The following PPP1R12B variants were observed in gnomAD, a reference collection of about 807,000 sequenced individuals.
PPP1R12B encodes myosin phosphatase target subunit 2.
Under a neutral mutation model 126.1 loss-of-function variants are expected in PPP1R12B, and 76 were observed. The ratio of observed to expected loss-of-function variants is 0.60; its 90% confidence interval spans 0.50 to 0.73. The LOEUF is 0.73. Ranked by LOEUF, PPP1R12B falls within the 30% of genes least tolerant of loss-of-function variation. The pLI is 0.00. For synonymous variants in PPP1R12B, 356 were observed against 434.7 expected (o/e 0.82, Z 2.25); for missense variants, 1,052 against 1,205.1 (o/e 0.87, Z 1.88).
At chr1:202,539,666 T>G (rs1444389829) in intron 18 of PPP1R12B, among the ~76,000 whole-genome samples, 6 of 152,164 alleles carry the variant, frequency 3.9e-5, no homozygotes, top group Non-Finnish European at 7.4e-5. Context: ...TCCACAGGAT[T>G]TGTATTTCTT....
intron 1 of PPP1R12B, chr1:202,370,204 C>A: frequency 5.5e-6 from 1 of 183,198 alleles, no homozygotes; most frequent in Non-Finnish European, 1.1e-5. Flanking sequence ...GCCGGACATC[C>A]CACTCTTTCA....
At chr1:202,538,320 A>G (rs1684761525) in intron 18 of PPP1R12B, among the ~76,000 whole-genome samples, 2 of 152,214 alleles carry the variant, frequency 1.3e-5, no homozygotes, top group South Asian at 2.1e-4. Flanking sequence ...GACACACTGT[A>G]TTCTGGTTTA....
chr1:202,551,455 T>C (rs1686312007), intron 18 of PPP1R12B, among the ~76,000 whole-genome samples: 1 of 152,184 alleles, frequency 6.6e-6, no homozygotes, highest in Admixed American at 6.5e-5. Context: ...TGAATGTATG[T>C]AATCACCTAG....
chr1:202,526,868 G>A (rs1683403202), intron 18 of PPP1R12B, among the ~76,000 whole-genome samples: 1 of 152,156 alleles, frequency 6.6e-6, no homozygotes, highest in Non-Finnish European at 1.5e-5. Context: ...TAATTATAAT[G>A]AGAATTACAA....
At chr1:202,439,904 C>A (rs1043084800) in intron 10 of PPP1R12B, 1 of 248,284 alleles carries the variant, frequency 4.0e-6, no homozygotes, top group South Asian at 5.8e-5. Context: ...ACTGTCTAGG[C>A]TCACTTCCTG....
chr1:202,446,236 C>A (rs2362278), intron 12 of PPP1R12B, among the ~76,000 whole-genome samples: 11,661 of 87,968 alleles, frequency 0.13, 1,040 homozygotes, highest in Middle Eastern at 0.2. Context: ...CTCTCTCTCT[C>A]TATATATATA....
At chr1:202,499,414 C>G (rs1679946461) in intron 18 of PPP1R12B, among the ~76,000 whole-genome samples, 1 of 152,090 alleles carries the variant, frequency 6.6e-6, no homozygotes, top group African/African-American at 2.4e-5. Context: ...GCCACCACAC[C>G]CAGCTAATTT....
At chr1:202,400,556 C>T (rs1439196949) in intron 1 of PPP1R12B, among the ~76,000 whole-genome samples, 1 of 152,084 alleles carries the variant, frequency 6.6e-6, no homozygotes, top group African/African-American at 2.4e-5. Context: ...AAAATGCATC[C>T]CAGGCAGAGG....
intron 1 of PPP1R12B, among the ~76,000 whole-genome samples, chr1:202,374,639 C>T (rs561225409): frequency 6.6e-6 from 1 of 151,830 alleles, no homozygotes; most frequent in South Asian, 2.1e-4. Flanking sequence ...GCTGGGGCTA[C>T]AGGTGCATGC....
intron 18 of PPP1R12B, among the ~76,000 whole-genome samples, chr1:202,553,552 C>T (rs1413506093): frequency 6.6e-6 from 1 of 152,128 alleles, no homozygotes; most frequent in Non-Finnish European, 1.5e-5. Context: ...TGCAGATAAG[C>T]TATTCAGACT....
At chr1:202,410,411 T>C (rs1332029308) in intron 1 of PPP1R12B, among the ~76,000 whole-genome samples, 1 of 152,224 alleles carries the variant, frequency 6.6e-6, no homozygotes, top group East Asian at 1.9e-4. Context: ...AGCTGGGTTT[T>C]ATGGGGAAGA....
chr1:202,471,400 A>T (rs1280315722), intron 13 of PPP1R12B, among the ~76,000 whole-genome samples: 3 of 143,518 alleles, frequency 2.1e-5, no homozygotes, highest in Non-Finnish European at 3.0e-5. Flanking sequence ...ATTCTTGTTC[A>T]TGTTTCTTAC....
chr1:202,507,250 G>T (rs1680911982), intron 18 of PPP1R12B, among the ~76,000 whole-genome samples: 1 of 152,102 alleles, frequency 6.6e-6, no homozygotes, highest in African/African-American at 2.4e-5. Flanking sequence ...CTGCCTTCAT[G>T]GTAACTATAT....
At chr1:202,403,362 CA>C (rs1364797883) in intron 1 of PPP1R12B, among the ~76,000 whole-genome samples, 1 of 152,056 alleles carries the variant, frequency 6.6e-6, no homozygotes, top group Non-Finnish European at 1.5e-5. Flanking sequence ...TTTAATTTAC[CA>C]ACTCATTTTC....
intron 4 of PPP1R12B, 84 bp downstream of exon 4, chr1:202,425,809 C>T (rs1669428196): frequency 1.5e-6 from 2 of 1,335,406 alleles, no homozygotes; most frequent in Non-Finnish European, 2.1e-6. Flanking sequence ...ATTAGATTTT[C>T]CGCTATGACG....
chr1:202,484,185 G>A (rs1008335920), intron 13 of PPP1R12B, among the ~76,000 whole-genome samples: 25 of 151,820 alleles, frequency 1.6e-4, no homozygotes, highest in African/African-American at 3.9e-4. Context: ...TAGATCCTTC[G>A]TTCCTTTCTT....
At chr1:202,514,697 G>A (rs540410801) in intron 18 of PPP1R12B, among the ~76,000 whole-genome samples, 144 of 152,268 alleles carry the variant, frequency 9.5e-4, no homozygotes, top group African/African-American at 3.3e-3. Flanking sequence ...TTTCCCCATT[G>A]CTTGTTTTTG....
rs192368327 is a variant in PPP1R12B at position 202,514,911 on chromosome 1, G to A, written c.2490+18089G>A. 1.9e-3 allele frequency among the ~76,000 whole-genome samples: 287 copies of A among 152,324 alleles called. 1 individual carries two copies. The highest frequency in any genetic ancestry group is 0.014 in the Middle Eastern group (4 of 294). On this transcript the variant is annotated intron_variant, in intron 18 of 23. Transcript: ENST00000608999. ...TCAACCTAAATGCCCATCAGTGACA[G>A]ACTGGATAAAGAAAATGTGGTACAT...
At chr1:202,559,196 C>T (rs1268654611) in intron 19 of PPP1R12B, among the ~76,000 whole-genome samples, 1 of 152,130 alleles carries the variant, frequency 6.6e-6, no homozygotes. Flanking sequence ...ATTAGGGAAA[C>T]AACATGAATA....
Sources: allele counts gnomAD v4.1 joint callset (sites outside exome capture counted in the v4.1 genomes callset), GRCh38; gene constraint gnomAD v4.1.1; transcripts MANE v1.5; gene names NCBI Gene and HGNC (gene_info 2026-07-23, HGNC 2026-07-21).